Variants in ARHGAP6 observed in about 807,000 individuals in gnomAD.
ARHGAP6 encodes the protein rho GTPase-activating protein 6.
A neutral mutation model predicts 55.7 loss-of-function variants in ARHGAP6; 16 were observed. That is an observed-to-expected ratio of 0.29 (90% CI 0.19 to 0.44). The LOEUF (loss-of-function observed/expected upper bound fraction) is 0.44, where lower values mean the gene tolerates loss of function less well. Among genes scored for constraint, ARHGAP6 ranks in the 20% least tolerant of loss-of-function variants. The pLI is 1.00. For missense variants in ARHGAP6, 698 were observed against 808.9 expected, an observed-to-expected ratio of 0.86 and a Z score of 1.66; for synonymous variants, 382 against 360.9, an observed-to-expected ratio of 1.06 and a Z score of -0.66.
chrX:11,371,138 T>G (rs2049138958), intron 1 of ARHGAP6, among the ~76,000 whole-genome samples: 1 of 111,908 alleles, frequency 8.9e-6, no homozygotes, highest in Non-Finnish European at 1.9e-5. Flanking sequence ...GAGGGATGGC[T>G]ATTTCCTAGA....
rs1013629108 is a variant in ARHGAP6, at chrX:11,507,670, T to G, written c.588+156571A>C. On this transcript the variant is annotated intron_variant, in intron 1 of 12. Transcript: ENST00000337414. ...TAATGACAGGGCAAGCCATCTGATT[T>G]TCCATCTAGGGCTGTGGATTTCCAC... Among the ~76,000 whole-genome samples the G allele has an allele frequency of 5.0e-4, 56 of 111,536 alleles. 1 individual carries two copies. The highest frequency in any genetic ancestry group is 8.8e-4 in the Non-Finnish European group (47 of 53,130).
At chrX:11,573,638 C>A (rs1205787301) in intron 1 of ARHGAP6, among the ~76,000 whole-genome samples, 1 of 110,661 alleles carries the variant, frequency 9.0e-6, no homozygotes, top group Non-Finnish European at 1.9e-5. Flanking sequence ...CAGCTTTGTT[C>A]TTTTGGCTTA....
chrX:11,294,391 G>A (rs1000826817), intron 1 of ARHGAP6, among the ~76,000 whole-genome samples: 1 of 112,199 alleles, frequency 8.9e-6, no homozygotes, highest in African/African-American at 3.2e-5. Flanking sequence ...ATAAAATACT[G>A]TGCACTTTGA....
At chrX:11,397,023 C>CT (rs1201381925) in intron 1 of ARHGAP6, among the ~76,000 whole-genome samples, 9 of 111,350 alleles carry the variant, frequency 8.1e-5, no homozygotes, top group Middle Eastern at 4.7e-3. Context: ...ATAGGTTTCC[C>CT]ATTCTTGGGA....
intron 1 of ARHGAP6, among the ~76,000 whole-genome samples, chrX:11,610,089 G>A (rs1200871706): frequency 9.3e-6 from 1 of 107,064 alleles, no homozygotes; most frequent in African/African-American, 3.5e-5. Context: ...TGCCTTCCAT[G>A]GGCCTGAGTT....
At chrX:11,481,328 A>G (rs993645926) in intron 1 of ARHGAP6, among the ~76,000 whole-genome samples, 7 of 112,473 alleles carry the variant, frequency 6.2e-5, no homozygotes, top group East Asian at 2.8e-4. Context: ...ACACCCACAT[A>G]TAATGACTGC....
intron 1 of ARHGAP6, among the ~76,000 whole-genome samples, chrX:11,354,895 G>T (rs1230300645): frequency 8.9e-6 from 1 of 111,745 alleles, no homozygotes; most frequent in Non-Finnish European, 1.9e-5. Flanking sequence ...AAGCTAGGAA[G>T]AATGCATAAT....
intron 2 of ARHGAP6, among the ~76,000 whole-genome samples, chrX:11,200,376 G>A (rs959116096): frequency 1.8e-5 from 2 of 112,157 alleles, no homozygotes; most frequent in African/African-American, 3.2e-5. Flanking sequence ...TGTCCTACAT[G>A]AGAGACCTCA....
intron 1 of ARHGAP6, among the ~76,000 whole-genome samples, chrX:11,559,941 T>TAATAATAATAATAATAAC (rs2051366904): frequency 1.9e-5 from 2 of 105,097 alleles, no homozygotes; most frequent in Non-Finnish European, 3.9e-5. Context: ...ATAATAATAA[T>TAATAATAATAATAATAAC]AATAATAATA....
chrX:11,418,460 C>A (rs1234425666), intron 1 of ARHGAP6, among the ~76,000 whole-genome samples: 1 of 111,454 alleles, frequency 9.0e-6, no homozygotes, highest in Non-Finnish European at 1.9e-5. Flanking sequence ...GAAAAAAAGC[C>A]AAACCAAATC....
chrX:11,572,022 C>G (rs1337693760), intron 1 of ARHGAP6, among the ~76,000 whole-genome samples: 1 of 111,140 alleles, frequency 9.0e-6, no homozygotes, highest in Non-Finnish European at 1.9e-5. Context: ...GATAGACCTG[C>G]TGTCAACAGC....
At chrX:11,377,918 T>A (rs953494730) in intron 1 of ARHGAP6, among the ~76,000 whole-genome samples, 1 of 111,490 alleles carries the variant, frequency 9.0e-6, no homozygotes, top group African/African-American at 3.3e-5. Flanking sequence ...AGGGACTGTT[T>A]TCATGATGGA....
At chrX:11,299,119 C>A in intron 1 of ARHGAP6, 4 of 769,815 alleles carry the variant, frequency 5.2e-6, no homozygotes, top group Non-Finnish European at 7.6e-6. Context: ...AAGCAATATG[C>A]TATACCTTTA....
At chrX:11,355,588 A>G (rs2048921245) in intron 1 of ARHGAP6, among the ~76,000 whole-genome samples, 1 of 112,245 alleles carries the variant, frequency 8.9e-6, no homozygotes, top group Non-Finnish European at 1.9e-5. Flanking sequence ...GAAAACATTC[A>G]CCCAAGGATA....
At chrX:11,441,335 T>C (rs774074551) in intron 1 of ARHGAP6, among the ~76,000 whole-genome samples, 1 of 112,070 alleles carries the variant, frequency 8.9e-6, no homozygotes, top group Non-Finnish European at 1.9e-5. Flanking sequence ...AATTGGGTCT[T>C]GTCTTTGCAT....
intron 1 of ARHGAP6, among the ~76,000 whole-genome samples, chrX:11,284,040 T>C (rs1353808411): frequency 8.9e-6 from 1 of 112,024 alleles, no homozygotes; most frequent in Non-Finnish European, 1.9e-5. Flanking sequence ...AGCTATCATA[T>C]CTGTAGTCCC....
intron 1 of ARHGAP6, among the ~76,000 whole-genome samples, chrX:11,294,615 C>T (rs2048050090): frequency 8.9e-6 from 1 of 112,234 alleles, no homozygotes; most frequent in East Asian, 2.8e-4. Context: ...ATGAAATAGG[C>T]TGAGAGCTGG....
At chrX:11,585,228 G>T (rs1365571937) in intron 1 of ARHGAP6, among the ~76,000 whole-genome samples, 1 of 112,052 alleles carries the variant, frequency 8.9e-6, no homozygotes, top group African/African-American at 3.2e-5. Flanking sequence ...TGTGAATAGT[G>T]CTGCAATGAA....
intron 1 of ARHGAP6, among the ~76,000 whole-genome samples, chrX:11,559,040 T>C (rs1347045014): frequency 9.5e-6 from 1 of 105,194 alleles, no homozygotes; most frequent in Non-Finnish European, 1.9e-5. Flanking sequence ...TTTTCAGCTA[T>C]AGCGACAGAT....
Sources: allele counts gnomAD v4.1 joint callset (sites outside exome capture counted in the v4.1 genomes callset), GRCh38; gene constraint gnomAD v4.1.1; transcripts MANE v1.5; gene names NCBI Gene and HGNC (gene_info 2026-07-23, HGNC 2026-07-21).